RERE: variants seen among roughly 807,000 people sequenced by gnomAD.
RERE encodes arginine-glutamic acid dipeptide repeats protein.
In RERE, 40 loss-of-function variants were observed where a neutral mutation model predicts 146.1. That is an observed-to-expected ratio of 0.27 (90% CI 0.21 to 0.36). The LOEUF is 0.36. Among genes scored for constraint, RERE ranks in the 10% least tolerant of loss-of-function variants. The pLI is 1.00. For synonymous variants in RERE, 1,003 were observed against 866.0 expected, an observed-to-expected ratio of 1.16 and a Z score of -2.78; for missense variants, 1,933 against 2,138.7, an observed-to-expected ratio of 0.90 and a Z score of 1.90.
At position 8,556,458 on chromosome 1, in the gene RERE, A is replaced by G; in HGVS notation, c.725+17T>C. On this transcript the variant is annotated intron_variant, in intron 6 of 22. Coordinates refer to ENST00000400908, the MANE Select transcript of RERE (RefSeq NM_001042681.2). ...TGACTCCTCCTTCACATGGAAGAGCACGTCTCCAGTACTTACCTAAGGGCA... is the reference window on the plus strand; with the variant it reads ...TGACTCCTCCTTCACATGGAAGAGCGCGTCTCCAGTACTTACCTAAGGGCA... 3.5e-6 allele frequency: 5 copies of G among 1,426,482 alleles called. No individual in the cohort carries two copies. The highest frequency in any genetic ancestry group is 2.3e-5 in the South Asian group (2 of 87,216). The allele number at this position is 1,426,482 out of a possible 1,614,324, so 88.4% of individuals were successfully genotyped here. A position where few individuals can be genotyped will look rare whatever the true frequency, so the allele number is the denominator to read the frequency against.
intron 12 of RERE, among the ~76,000 whole-genome samples, chr1:8,372,858 T>G (rs2124392136): frequency 6.6e-6 from 1 of 152,286 alleles, no homozygotes; most frequent in East Asian, 1.9e-4. Context: ...TGCAGCTCCT[T>G]TCTTTTTCAC....
chr1:8,691,463 G>A (rs1468867305), intron 1 of RERE, among the ~76,000 whole-genome samples: 2 of 152,128 alleles, frequency 1.3e-5, no homozygotes, highest in Non-Finnish European at 2.9e-5. Flanking sequence ...ATCAATATAA[G>A]TAAAGCAAAC....
chr1:8,394,479 T>C (rs1381392847), intron 12 of RERE, among the ~76,000 whole-genome samples: 1 of 152,190 alleles, frequency 6.6e-6, no homozygotes, highest in Non-Finnish European at 1.5e-5. Flanking sequence ...ATTTTATAGA[T>C]GAGAAAACTA....
intron 11 of RERE, among the ~76,000 whole-genome samples, chr1:8,427,895 C>T (rs567236019): frequency 6.6e-6 from 1 of 152,280 alleles, no homozygotes; most frequent in East Asian, 1.9e-4. Context: ...TCTATAAATT[C>T]ATCGCTCTTC....
chr1:8,682,065 C>G (rs1320121788), intron 1 of RERE, among the ~76,000 whole-genome samples: 3 of 152,142 alleles, frequency 2.0e-5, no homozygotes, highest in Non-Finnish European at 4.4e-5. Context: ...CTCCTTTACT[C>G]TGAACCCTAC....
intron 2 of RERE, among the ~76,000 whole-genome samples, chr1:8,652,902 T>C (rs1647700053): frequency 6.6e-6 from 1 of 152,174 alleles, no homozygotes; most frequent in Non-Finnish European, 1.5e-5. Flanking sequence ...ACTACAATCA[T>C]AGAGCACTGC....
chr1:8,681,194 T>C (rs1186746019), intron 1 of RERE, among the ~76,000 whole-genome samples: 1 of 152,204 alleles, frequency 6.6e-6, no homozygotes, highest in Non-Finnish European at 1.5e-5. Flanking sequence ...AATAAGCTAC[T>C]ATTCTCCTAC....
chr1:8,776,949 G>A (rs75661326), intron 1 of RERE, among the ~76,000 whole-genome samples: 40 of 151,472 alleles, frequency 2.6e-4, no homozygotes, highest in Middle Eastern at 6.8e-3. Context: ...GGCTGGTCTC[G>A]AACTCCTGGG....
In RERE at chr1:8,384,034, G is replaced by A. The variant is rs572179232; in HGVS notation, c.1285-18060C>T. ...AGATTACAAACTCTCGTAGTAGAAAGGTCTAAAGACTCTTTAGAATTAAGC... is the reference window on the plus strand; with the variant it reads ...AGATTACAAACTCTCGTAGTAGAAAAGTCTAAAGACTCTTTAGAATTAAGC... On this transcript the variant is annotated intron_variant, in intron 12 of 22. Transcript: ENST00000400908. 3.2e-4 allele frequency among the ~76,000 whole-genome samples: 49 copies of A among 152,240 alleles called. 1 individual carries two copies. In the South Asian group the frequency reaches 0.01, roughly 32 times the overall value.
intron 4 of RERE, among the ~76,000 whole-genome samples, chr1:8,596,204 A>C: frequency 6.6e-6 from 1 of 152,218 alleles, no homozygotes; most frequent in East Asian, 1.9e-4. Context: ...CCCTGAGTAC[A>C]AAAATAACCA....
intron 4 of RERE, among the ~76,000 whole-genome samples, chr1:8,562,900 T>C (rs1646096126): frequency 6.6e-6 from 1 of 152,184 alleles, no homozygotes; most frequent in Non-Finnish European, 1.5e-5. Flanking sequence ...TTATGGTAGC[T>C]ATCTGGGAGC....
chr1:8,728,137 T>G (rs1345004491), intron 1 of RERE, among the ~76,000 whole-genome samples: 2 of 152,208 alleles, frequency 1.3e-5, no homozygotes, highest in Non-Finnish European at 2.9e-5. Context: ...GGGATCTTAA[T>G]GCACTAATGA....
Position 8,738,818 on chromosome 1 carries a change from G to T in RERE, c.-145+78342C>A, listed in dbSNP as rs1027757468. Among the ~76,000 whole-genome samples, 4 of 152,150 alleles carry T rather than the reference G, an allele frequency of 2.6e-5. No homozygotes were observed. In the East Asian group the frequency reaches 5.8e-4, roughly 22 times the overall value. The stretch of plus-strand genomic sequence containing the variant: ...TCATGTGAACAGGCTGTAACCTACA[G>T]GACTCTATCCTGACCATACTGTCAT... On this transcript the variant is annotated intron_variant, in intron 1 of 22. Transcript: ENST00000400908.
chr1:8,550,008 C>T (rs80265493), intron 6 of RERE, among the ~76,000 whole-genome samples: 3,758 of 152,212 alleles, frequency 0.025, 141 homozygotes, highest in African/African-American at 0.085. Context: ...AGAACAACAA[C>T]GAGGACATTG....
chr1:8,761,010 T>C (rs1359365740), intron 1 of RERE, among the ~76,000 whole-genome samples: 1 of 152,156 alleles, frequency 6.6e-6, no homozygotes, highest in Non-Finnish European at 1.5e-5. Flanking sequence ...AGACGTTCCA[T>C]AACTCTAACA....
At chr1:8,476,020 T>C (rs1342267178) in intron 10 of RERE, among the ~76,000 whole-genome samples, 1 of 152,154 alleles carries the variant, frequency 6.6e-6, no homozygotes, top group Non-Finnish European at 1.5e-5. Context: ...GAAGGAAATA[T>C]AGTTATTGAA....
At chr1:8,793,788 G>C (rs1569810907) in intron 1 of RERE, among the ~76,000 whole-genome samples, 1 of 152,112 alleles carries the variant, frequency 6.6e-6, no homozygotes, top group Non-Finnish European at 1.5e-5. Flanking sequence ...ACAATTTGAG[G>C]GCAGGTACTA....
At chr1:8,582,896 G>A (rs946484397) in intron 4 of RERE, among the ~76,000 whole-genome samples, 4 of 152,144 alleles carry the variant, frequency 2.6e-5, no homozygotes, top group African/African-American at 9.7e-5. Context: ...CTTTTACATA[G>A]ATCTGAGCCT....
chr1:8,583,773 G>A (rs1480497583), intron 4 of RERE, among the ~76,000 whole-genome samples: 1 of 151,970 alleles, frequency 6.6e-6, no homozygotes, highest in Non-Finnish European at 1.5e-5. Context: ...GAAAATCACA[G>A]CAAGCTGCCA....
Sources: gnomAD v4.1 joint callset for allele counts (sites outside exome capture counted in the v4.1 genomes callset) on GRCh38, gnomAD v4.1.1 for gene constraint, MANE v1.5 for transcripts, NCBI Gene and HGNC (gene_info 2026-07-23, HGNC 2026-07-21) for gene names.